Variants in GNG7 observed in about 807,000 individuals in gnomAD.
GNG7 encodes the protein guanine nucleotide-binding protein G(I)/G(S)/G(O) subunit gamma-7.
Under a neutral mutation model 4.0 loss-of-function variants are expected in GNG7, and 1 was observed. The ratio of observed to expected loss-of-function variants is 0.25; its 90% CI spans 0.09 to 1.18. GNG7 has a LOEUF of 1.18. GNG7 is among the 50% of genes most tolerant of loss of function. The probability of loss-of-function intolerance (pLI) is 0.50; values close to 1 mark genes in which losing one functional copy is unlikely to be tolerated. For missense variants in GNG7, 86 were observed against 91.9 expected, an observed-to-expected ratio of 0.94 and a Z score of 0.26; for synonymous variants, 34 against 36.9, an observed-to-expected ratio of 0.92 and a Z score of 0.29.
rs138267518 is a variant in GNG7, at chr19:2,543,628, G to C, written c.-38+11521C>G. On this transcript the variant is annotated intron_variant, in intron 3 of 4. Coordinates refer to ENST00000382159, the MANE Select transcript of GNG7 (RefSeq NM_052847.3). ...CCGAGCAAACCGTCCTCCCATGGCT[G>C]CTTCCTGTAAACCGGCTCCTAAGGC... is the stretch of plus-strand genomic sequence containing the variant. 5.0e-3 allele frequency among the ~76,000 whole-genome samples: 764 copies of C among 152,290 alleles called. 6 individuals carry two copies. Among genetic ancestry groups the C allele is most frequent in the African/African-American group, 0.017 (720 of 41,558 alleles).
intron 2 of GNG7, among the ~76,000 whole-genome samples, chr19:2,619,959 C>T (rs879698797): frequency 2.0e-5 from 3 of 148,692 alleles, no homozygotes; most frequent in East Asian, 2.0e-4. Context: ...TTTGGGAGGA[C>T]GAGGGGGGGG....
intron 1 of GNG7, among the ~76,000 whole-genome samples, chr19:2,675,487 C>A (rs749377675): frequency 1.3e-5 from 2 of 151,998 alleles, no homozygotes; most frequent in African/African-American, 2.4e-5. Flanking sequence ...AAGCAGGGAG[C>A]GTTATTTAGC....
In GNG7 at chr19:2,557,332, GAC is replaced by G. The variant is rs201765743; in HGVS notation, c.-77-2146_-77-2145del. ...ACGCACAGACACACATGTGCACACA[GAC>G]ACACACATGTGCACACACACAGACA... On this transcript the variant is annotated intron_variant, in intron 2 of 4. Transcript: ENST00000382159. This position sits in a 1 kb window ranked among gnomAD's most constrained non-coding sequence, Gnocchi z 5.1. 0.013 allele frequency among the ~76,000 whole-genome samples: 1,834 copies of G among 140,744 alleles called. 16 individuals carry two copies. The highest frequency in any genetic ancestry group is 0.023 in the Admixed American group (329 of 14,190). 92.3% of individuals were successfully genotyped at this position (140,744 alleles called of 152,430 possible).
intron 3 of GNG7, among the ~76,000 whole-genome samples, chr19:2,523,816 A>G (rs892804322): frequency 6.6e-6 from 1 of 152,144 alleles, no homozygotes; most frequent in Admixed American, 6.6e-5. Flanking sequence ...GGCGATCTCA[A>G]TAAAAGGGGC....
chr19:2,655,957 A>T (rs1247444175), intron 1 of GNG7, among the ~76,000 whole-genome samples: 1 of 146,552 alleles, frequency 6.8e-6, no homozygotes, highest in Non-Finnish European at 1.5e-5. Flanking sequence ...CCTGGGAGGC[A>T]GAGGTTGCAG....
chr19:2,541,721 G>A (rs962947172), intron 3 of GNG7, among the ~76,000 whole-genome samples: 7 of 146,436 alleles, frequency 4.8e-5, no homozygotes, highest in African/African-American at 1.8e-4. Flanking sequence ...TAGCCTGGGC[G>A]ACACAGCAAG....
chr19:2,697,737 C>G lies in GNG7; in HGVS notation c.-135+4909G>C, dbSNP rs28521443. 5.8e-3 allele frequency among the ~76,000 whole-genome samples: 879 copies of G among 151,866 alleles called. 8 individuals are homozygous for G. The highest frequency in any genetic ancestry group is 0.027 in the Middle Eastern group (8 of 292). ...TGGGAGGCTGAGGTGGGTGGATGACCTAAGGTCAGGAGTTCGAGGCCAGCC... is the reference window on the plus strand; with the variant it reads ...TGGGAGGCTGAGGTGGGTGGATGACGTAAGGTCAGGAGTTCGAGGCCAGCC... On this transcript the variant is annotated intron_variant, in intron 1 of 4. Coordinates refer to ENST00000382159, the MANE Select transcript of GNG7 (RefSeq NM_052847.3).
intron 2 of GNG7, among the ~76,000 whole-genome samples, chr19:2,561,118 T>C (rs1002286438): frequency 1.4e-4 from 21 of 152,050 alleles, no homozygotes; most frequent in Admixed American, 4.6e-4. Flanking sequence ...AGGTGTGGAT[T>C]GCAATGTGTG....
intron 2 of GNG7, among the ~76,000 whole-genome samples, chr19:2,600,602 G>T (rs1229317178): frequency 6.6e-6 from 1 of 151,540 alleles, no homozygotes; most frequent in Non-Finnish European, 1.5e-5. Flanking sequence ...CTCCCAAGTA[G>T]CTGGGATTAC....
chr19:2,638,792 C>A (rs1030494847), intron 2 of GNG7, among the ~76,000 whole-genome samples: 1 of 152,200 alleles, frequency 6.6e-6, no homozygotes, highest in African/African-American at 2.4e-5. Context: ...CTGCTTCCTC[C>A]GTGAGCCCCA....
chr19:2,556,901 T>C lies in GNG7; in HGVS notation c.-77-1713A>G, dbSNP rs369903769. 2.0e-5 allele frequency among the ~76,000 whole-genome samples: 3 copies of C among 152,272 alleles called. No individual in the cohort carries two copies. In the East Asian group the frequency reaches 5.8e-4, roughly 29 times the overall value. ...ACCCCCCAGATGTGTTGGCCACAAA[T>C]GTCCCCAGACACTGCCCCGGGTCCC... On this transcript the variant is annotated intron_variant, in intron 2 of 4. Coordinates refer to ENST00000382159, the MANE Select transcript of GNG7 (RefSeq NM_052847.3).
intron 1 of GNG7, among the ~76,000 whole-genome samples, chr19:2,680,893 C>T (rs1240780484): frequency 6.6e-6 from 1 of 152,004 alleles, no homozygotes; most frequent in Non-Finnish European, 1.5e-5. Context: ...CAACCTTCGT[C>T]TCCCGAGCTC....
At chr19:2,521,050 T>G (rs1279224143) in intron 3 of GNG7, among the ~76,000 whole-genome samples, 3 of 148,780 alleles carry the variant, frequency 2.0e-5, no homozygotes, top group Non-Finnish European at 3.0e-5. Flanking sequence ...GGTCAGGAGA[T>G]CGAGACCATC....
intron 3 of GNG7, among the ~76,000 whole-genome samples, chr19:2,553,496 A>G (rs886325217): frequency 1.4e-5 from 2 of 146,690 alleles, no homozygotes; most frequent in Non-Finnish European, 3.0e-5. Flanking sequence ...TATATTTTAT[A>G]TGTACATCTC....
At chr19:2,517,234 G>GT (rs1369548813) in intron 4 of GNG7, among the ~76,000 whole-genome samples, 1 of 152,110 alleles carries the variant, frequency 6.6e-6, no homozygotes, top group Admixed American at 6.5e-5. Context: ...CTGGAATGCA[G>GT]TGGTGCTATC....
In GNG7 at chr19:2,661,276, AAGAAAGAAAGAAAGAAAGAAAGAAAG is replaced by A. The variant is rs1188591240; in HGVS notation, c.-134-15022_-134-14997del. On this transcript the variant is annotated intron_variant, in intron 1 of 4. Coordinates refer to ENST00000382159, the MANE Select transcript of GNG7 (RefSeq NM_052847.3). ...AAGAAAGAAAGAAAGAAAGAAAAGA[AAGAAAGAAAGAAAGAAAGAAAGAAAG>A]AGAAAGAAAGAAAGAAAGAAAGAAA... Among the ~76,000 whole-genome samples, 15 of 57,072 alleles carry A rather than the reference AAGAAAGAAAGAAAGAAAGAAAGAAAG, an allele frequency of 2.6e-4. No individual in the cohort carries two copies. The East Asian group carries it at 3.3e-3, about 13-fold the overall frequency. 37.4% of individuals were successfully genotyped at this position (57,072 alleles called of 152,430 possible).
At chr19:2,664,207 G>A (rs895093246) in intron 1 of GNG7, among the ~76,000 whole-genome samples, 1 of 152,168 alleles carries the variant, frequency 6.6e-6, no homozygotes, top group Non-Finnish European at 1.5e-5. Context: ...ACGTGGCAGG[G>A]GCGTCTTGTC....
At chr19:2,539,236 A>G (rs1978861946) in intron 3 of GNG7, among the ~76,000 whole-genome samples, 1 of 152,032 alleles carries the variant, frequency 6.6e-6, no homozygotes, top group Non-Finnish European at 1.5e-5. Flanking sequence ...TAGTAATCAG[A>G]ATTGAAATTT....
intron 1 of GNG7, among the ~76,000 whole-genome samples, chr19:2,680,935 G>A (rs764383611): frequency 7.2e-5 from 11 of 151,914 alleles, no homozygotes; most frequent in Non-Finnish European, 1.2e-4. Flanking sequence ...ACCTCCCCGT[G>A]AGCCCTTGTG....
Sources: allele counts gnomAD v4.1 joint callset (sites outside exome capture counted in the v4.1 genomes callset), GRCh38; gene constraint gnomAD v4.1.1; non-coding constraint Gnocchi (gnomAD v3.1); transcripts MANE v1.5; gene names NCBI Gene and HGNC (gene_info 2026-07-23, HGNC 2026-07-21).